The following TENM2 variants were observed in gnomAD, a reference collection of about 807,000 sequenced individuals.
TENM2 encodes teneurin transmembrane protein 2.
Under a neutral mutation model 245.2 loss-of-function variants are expected in TENM2, and 52 were observed. The ratio of observed to expected loss-of-function variants is 0.21; its 90% CI spans 0.17 to 0.27. TENM2 has a LOEUF of 0.27. TENM2 is among the 10% of genes least tolerant of loss of function. TENM2 has a pLI of 1.00. For synonymous variants in TENM2, 1,363 were observed against 1,438.9 expected (o/e 0.95, Z 1.19); for missense variants, 3,046 against 3,666.8 (o/e 0.83, Z 4.37).
intron 7 of TENM2, among the ~76,000 whole-genome samples, chr5:168,069,352 A>G (rs1434742629): frequency 1.3e-5 from 2 of 152,244 alleles, no homozygotes; most frequent in Non-Finnish European, 2.9e-5. Flanking sequence ...CTTTGCAAAA[A>G]TTAATGGCTT....
chr5:167,514,605 A>G (rs1007739715), intron 2 of TENM2, among the ~76,000 whole-genome samples: 10 of 152,246 alleles, frequency 6.6e-5, no homozygotes, highest in African/African-American at 2.4e-4. Flanking sequence ...GAGAAATGAG[A>G]GATCCCACTG....
intron 2 of TENM2, among the ~76,000 whole-genome samples, chr5:167,530,246 T>A (rs12654476): frequency 0.13 from 19,861 of 152,226 alleles, 1,628 homozygotes; most frequent in African/African-American, 0.23. Context: ...TCAGTTGTTC[T>A]ACAGATAACT....
At chr5:167,571,077 G>T (rs566885119) in intron 2 of TENM2, among the ~76,000 whole-genome samples, 1 of 152,314 alleles carries the variant, frequency 6.6e-6, no homozygotes, top group South Asian at 2.1e-4. Context: ...CCATTTTGAG[G>T]TGATGAAATA....
At chr5:167,035,537 T>G in the TENM2 span, among the ~76,000 whole-genome samples, 1 of 152,230 alleles carries the variant, frequency 6.6e-6, no homozygotes, top group African/African-American at 2.4e-5. Flanking sequence ...TTGATAGTAT[T>G]TTCACAGTCT....
rs148129429 is a variant in TENM2, at chr5:167,566,465, C to T, written c.502+190992C>T. 2.2e-3 allele frequency among the ~76,000 whole-genome samples: 332 copies of T among 152,202 alleles called. 3 individuals are homozygous for T. Among genetic ancestry groups the T allele is most frequent in the African/African-American group, 7.5e-3 (313 of 41,518 alleles). ...TTTTCCTGGATTTTACAAATAGCAA[C>T]CAGATTATTGTAAAACAGAACTATC... On this transcript the variant is annotated intron_variant, in intron 2 of 28. Coordinates refer to ENST00000518659, the Ensembl canonical transcript of TENM2.
chr5:167,609,488 C>CAAAAAAAAAAAAAAAAAAAAAAA (rs5873049), intron 2 of TENM2, among the ~76,000 whole-genome samples: 5 of 36,690 alleles, frequency 1.4e-4, no homozygotes, highest in South Asian at 1.5e-3. Flanking sequence ...CCTGATGATG[C>CAAAAAAAAAAAAAAAAAAAAAAA]AAAAAAAAAA....
At chr5:167,074,491 C>T in the TENM2 span, among the ~76,000 whole-genome samples, 16 of 152,044 alleles carry the variant, frequency 1.1e-4, no homozygotes, top group African/African-American at 3.9e-4. Context: ...ACAGAAGGTG[C>T]AGATTATATA....
chr5:167,586,263 GA>G (rs1775490409), intron 2 of TENM2, among the ~76,000 whole-genome samples: 1 of 152,142 alleles, frequency 6.6e-6, no homozygotes, highest in Non-Finnish European at 1.5e-5. Flanking sequence ...TATATGGGAG[GA>G]AGTATGTAGG....
At chr5:168,091,036 C>T (rs58279035) in intron 8 of TENM2, among the ~76,000 whole-genome samples, 4,105 of 152,178 alleles carry the variant, frequency 0.027, 169 homozygotes, top group African/African-American at 0.093. Context: ...ACCACACTAC[C>T]TAAGCAAATC....
intron 5 of TENM2, among the ~76,000 whole-genome samples, chr5:168,045,535 CTT>C (rs1788536944): frequency 2.0e-5 from 3 of 152,122 alleles, no homozygotes. Flanking sequence ...AGGTTGTCAT[CTT>C]TGCCTGATGG....
chr5:167,298,495 C>A (rs1238668501), intron 1 of TENM2, among the ~76,000 whole-genome samples: 1 of 152,026 alleles, frequency 6.6e-6, no homozygotes, highest in Non-Finnish European at 1.5e-5. Flanking sequence ...CCCAGCTACT[C>A]GGGAGGCTGA....
intron 2 of TENM2, among the ~76,000 whole-genome samples, chr5:167,843,525 G>A (rs755503468): frequency 9.9e-5 from 15 of 152,190 alleles, no homozygotes; most frequent in South Asian, 4.1e-4. Context: ...CATTTAACCA[G>A]GACTTATTTC....
At chr5:167,831,957 A>G (rs1389070871) in intron 2 of TENM2, among the ~76,000 whole-genome samples, 7 of 151,070 alleles carry the variant, frequency 4.6e-5, no homozygotes, top group Non-Finnish European at 1.0e-4. Flanking sequence ...GTGTGTAGGA[A>G]TGATGCCAAT....
chr5:167,133,720 C>G, the TENM2 span, among the ~76,000 whole-genome samples: 1 of 151,842 alleles, frequency 6.6e-6, no homozygotes. Flanking sequence ...GCTTGCCACC[C>G]TCAGCAGACT....
chr5:168,079,690 T>A (rs1433153920), intron 7 of TENM2, among the ~76,000 whole-genome samples: 1 of 152,182 alleles, frequency 6.6e-6, no homozygotes, highest in Non-Finnish European at 1.5e-5. Context: ...GAGATAATCA[T>A]GTGGTTTTTG....
chr5:168,049,302 C>T (rs540362680), intron 6 of TENM2, among the ~76,000 whole-genome samples: 1 of 152,160 alleles, frequency 6.6e-6, no homozygotes, highest in Non-Finnish European at 1.5e-5. Flanking sequence ...GTCTCCGTCA[C>T]GTTTTATCCA....
chr5:167,022,914 A>G, the TENM2 span, among the ~76,000 whole-genome samples: 1 of 152,218 alleles, frequency 6.6e-6, no homozygotes, highest in Non-Finnish European at 1.5e-5. Flanking sequence ...AGCATCTTAA[A>G]TAAATGTTCA....
chr5:168,118,302 T>C (rs768344153), exon 10 of TENM2: 46 of 1,585,432 alleles, frequency 2.9e-5, no homozygotes, highest in Non-Finnish European at 3.9e-5. Flanking sequence ...CTGCCTGCCC[T>C]GTCCTGTGCA....
Position 168,224,683 on chromosome 5 carries a change from A to AC in TENM2, c.5109-1402dup, listed in dbSNP as rs201201326. ...ACAAGCTCCAGTTCCCATCCCTCAG[A>AC]CCCTGCCAGCTTTTTCCCTCTCCCC... On this transcript the variant is annotated intron_variant, in intron 23 of 28. Transcript: ENST00000518659. Among the ~76,000 whole-genome samples the AC allele has an allele frequency of 1.6e-4, 24 of 151,914 alleles. No homozygotes were observed. In the East Asian group the frequency reaches 4.5e-3, roughly 28 times the overall value.
Sources: gnomAD v4.1 joint callset for allele counts (sites outside exome capture counted in the v4.1 genomes callset) on GRCh38, gnomAD v4.1.1 for gene constraint, MANE v1.5 for transcripts, NCBI Gene and HGNC (gene_info 2026-07-23, HGNC 2026-07-21) for gene names.